The following PSD2 variants were observed in gnomAD, a reference collection of about 807,000 sequenced individuals.
PSD2 encodes pleckstrin and Sec7 domain containing 2.
PSD2 carries 38 observed loss-of-function variants against 69.8 expected under a neutral mutation model. The ratio of observed to expected loss-of-function variants is 0.54; its 90% CI spans 0.42 to 0.71. PSD2 has a LOEUF of 0.71. PSD2 is among the 30% of genes least tolerant of loss of function. PSD2 has a pLI of 0.00. For missense variants in PSD2, 943 were observed against 1,014.5 expected, an observed-to-expected ratio of 0.93 and a Z score of 0.96; for synonymous variants, 412 against 423.0, an observed-to-expected ratio of 0.97 and a Z score of 0.32.
At chr5:139,840,957 A>G (rs1203119682) in intron 14 of PSD2, among the ~76,000 whole-genome samples, 1 of 152,164 alleles carries the variant, frequency 6.6e-6, no homozygotes, top group Non-Finnish European at 1.5e-5. Flanking sequence ...CAGTAGTGTT[A>G]AGTCTATTCA....
At chr5:139,757,297 C>T in the PSD2 span, among the ~76,000 whole-genome samples, 1 of 152,204 alleles carries the variant, frequency 6.6e-6, no homozygotes, top group African/African-American at 2.4e-5. Flanking sequence ...TGCTTACAGC[C>T]CTTGGGCAAA....
chr5:139,809,263 C>A, intron 1 of PSD2, 128 bp from the exon 2 acceptor site: 1 of 718,806 alleles, frequency 1.4e-6, no homozygotes, highest in Non-Finnish European at 2.3e-6. Flanking sequence ...TGGAAGGGCC[C>A]CGAGGAGGTC....
the PSD2 span, chr5:139,772,422 C>T: frequency 1.3e-5 from 2 of 152,296 alleles, no homozygotes; most frequent in Non-Finnish European, 1.5e-5. Flanking sequence ...GCCCCTCCTC[C>T]CCTGCTGTGA....
At chr5:139,780,995 T>C in the PSD2 span, among the ~76,000 whole-genome samples, 2 of 152,228 alleles carry the variant, frequency 1.3e-5, no homozygotes, top group Non-Finnish European at 2.9e-5. Context: ...ACCCAGGTAG[T>C]TCAGATTCAG....
chr5:139,771,804 G>A, the PSD2 span, among the ~76,000 whole-genome samples: 3 of 152,198 alleles, frequency 2.0e-5, no homozygotes, highest in Non-Finnish European at 4.4e-5. Flanking sequence ...ATATGGGGAA[G>A]TAAGTTCTCT....
chr5:139,770,622 C>G, the PSD2 span, among the ~76,000 whole-genome samples: 2 of 152,180 alleles, frequency 1.3e-5, no homozygotes, highest in African/African-American at 4.8e-5. Flanking sequence ...CTGCTATAGC[C>G]TTCTTCCTCA....
chr5:139,794,439 C>A (rs887430304), upstream of PSD2, among the ~76,000 whole-genome samples: 14 of 152,232 alleles, frequency 9.2e-5, no homozygotes, highest in African/African-American at 2.2e-4. Context: ...AGATTCCACA[C>A]CTCCAATTAC....
chr5:139,813,859 A>C (rs1760044161), intron 3 of PSD2, 101 bp downstream of exon 3: 1 of 1,038,900 alleles, frequency 9.6e-7, no homozygotes, highest in South Asian at 1.7e-5. Context: ...CAGAGTCAGC[A>C]TGCCCTCTTC....
At chr5:139,783,707 G>A in the PSD2 span, among the ~76,000 whole-genome samples, 3 of 151,906 alleles carry the variant, frequency 2.0e-5, no homozygotes, top group Admixed American at 6.6e-5. Flanking sequence ...CCACGAAAAC[G>A]GCTCTTGTCA....
chr5:139,757,737 C>G, the PSD2 span, among the ~76,000 whole-genome samples: 3 of 152,196 alleles, frequency 2.0e-5, no homozygotes, highest in Non-Finnish European at 2.9e-5. Flanking sequence ...AGCAGGCCTC[C>G]AGACCTTGAG....
At chr5:139,802,627 C>T (rs1759702706) in intron 1 of PSD2, among the ~76,000 whole-genome samples, 1 of 151,998 alleles carries the variant, frequency 6.6e-6, no homozygotes, top group Non-Finnish European at 1.5e-5. Context: ...CTTTGTGGTT[C>T]CTGATAACTG....
At chr5:139,803,677 C>CA (rs1759727514) in intron 1 of PSD2, among the ~76,000 whole-genome samples, 1 of 152,242 alleles carries the variant, frequency 6.6e-6, no homozygotes, top group South Asian at 2.1e-4. Context: ...GAGGCCCTTG[C>CA]AGCACAAGGC....
At chr5:139,756,425 G>C in the PSD2 span, among the ~76,000 whole-genome samples, 1 of 152,248 alleles carries the variant, frequency 6.6e-6, no homozygotes, top group African/African-American at 2.4e-5. Flanking sequence ...CAAGCATCTA[G>C]GGTCAGACTG....
chr5:139,836,789 C>T (rs1401608097), intron 9 of PSD2, 22 bp from the exon 10 acceptor site: 2 of 1,606,628 alleles, frequency 1.2e-6, no homozygotes, highest in Middle Eastern at 3.3e-4. Context: ...GGAGGTGGTG[C>T]TCAGGCCTAG....
At chr5:139,799,354 A>C (rs1295568077) in intron 1 of PSD2, among the ~76,000 whole-genome samples, 1 of 152,126 alleles carries the variant, frequency 6.6e-6, no homozygotes, top group Non-Finnish European at 1.5e-5. Flanking sequence ...TCAAAACTTC[A>C]GGGTTGGGAG....
chr5:139,784,875 C>T, the PSD2 span, among the ~76,000 whole-genome samples: 1 of 152,234 alleles, frequency 6.6e-6, no homozygotes. Flanking sequence ...CTGTCTCAGC[C>T]TCCTGAGTAG....
chr5:139,746,439 A>T, the PSD2 span, among the ~76,000 whole-genome samples: 2 of 152,028 alleles, frequency 1.3e-5, no homozygotes, highest in African/African-American at 4.8e-5. This position sits in a 1 kb window ranked among gnomAD's most constrained non-coding sequence, Gnocchi z 4.5. Context: ...GGGTCACCCG[A>T]GCCTTCTCCC....
intron 7 of PSD2, among the ~76,000 whole-genome samples, chr5:139,826,527 G>A (rs771519442): frequency 6.6e-6 from 1 of 152,202 alleles, no homozygotes; most frequent in Non-Finnish European, 1.5e-5. Flanking sequence ...AGTGGGCTTG[G>A]TAGCTCTGGC....
At chr5:139,782,611 G>A in the PSD2 span, among the ~76,000 whole-genome samples, 1 of 151,138 alleles carries the variant, frequency 6.6e-6, no homozygotes, top group African/African-American at 2.4e-5. Flanking sequence ...TCCTGCCTCA[G>A]CCTCCCAAGT....
Sources: allele counts gnomAD v4.1 joint callset (sites outside exome capture counted in the v4.1 genomes callset), GRCh38; gene constraint gnomAD v4.1.1; non-coding constraint Gnocchi (gnomAD v3.1); transcripts MANE v1.5; gene names NCBI Gene and HGNC (gene_info 2026-07-23, HGNC 2026-07-21).